Variants in COL26A1 observed in about 807,000 individuals in gnomAD.
COL26A1 encodes the protein collagen type XXVI alpha 1 chain, also known as collagen alpha-1(XXVI) chain.
COL26A1 carries 41 observed loss-of-function variants against 59.3 expected under a neutral mutation model. That is an observed-to-expected ratio of 0.69 (90% CI 0.54 to 0.90). The LOEUF is 0.90. Ranked by LOEUF, COL26A1 falls within the 40% of genes least tolerant of loss-of-function variation. COL26A1 has a pLI of 0.00. For missense variants in COL26A1, 612 were observed against 602.3 expected, an observed-to-expected ratio of 1.02 and a Z score of -0.17; for synonymous variants, 266 against 256.0, an observed-to-expected ratio of 1.04 and a Z score of -0.37.
chr7:101,436,926 C>G (rs1792929925), intron 2 of COL26A1, among the ~76,000 whole-genome samples: 4 of 152,126 alleles, frequency 2.6e-5, no homozygotes, highest in Admixed American at 2.0e-4. Flanking sequence ...GTTGGCCAGG[C>G]TGGTCTCGAA....
intron 3 of COL26A1, among the ~76,000 whole-genome samples, chr7:101,466,278 T>C (rs530930834): frequency 6.6e-6 from 1 of 152,258 alleles, no homozygotes; most frequent in South Asian, 2.1e-4. Flanking sequence ...ATTGTCAATA[T>C]ATTGTATATG....
intron 3 of COL26A1, among the ~76,000 whole-genome samples, chr7:101,468,750 G>T (rs1323621656): frequency 2.6e-5 from 4 of 152,196 alleles, no homozygotes; most frequent in Non-Finnish European, 2.9e-5. Flanking sequence ...GAGGGAGGGG[G>T]AGACGCATTC....
At chr7:101,474,187 T>C (rs565151141) in intron 3 of COL26A1, among the ~76,000 whole-genome samples, 1 of 152,212 alleles carries the variant, frequency 6.6e-6, no homozygotes, top group Non-Finnish European at 1.5e-5. Flanking sequence ...GGTGGTTAAG[T>C]GATTGGATGA....
intron 8 of COL26A1, among the ~76,000 whole-genome samples, chr7:101,547,833 A>ACTCG (rs1795773574): frequency 1.6e-5 from 1 of 61,842 alleles, no homozygotes; most frequent in Non-Finnish European, 3.7e-5. Flanking sequence ...TCATTCGTTT[A>ACTCG]TTCATTCATT....
intron 4 of COL26A1, among the ~76,000 whole-genome samples, chr7:101,539,294 A>ATGTGTGTGTGTGTGTGTGTGTGTG (rs769498284): frequency 1.5e-5 from 2 of 135,854 alleles, no homozygotes; most frequent in Non-Finnish European, 3.2e-5. Flanking sequence ...GTGTGTGTGT[A>ATGTGTGTGTGTGTGTGTGTGTGTG]TGTGTGTGTG....
chr7:101,481,305 G>A (rs907275986), intron 3 of COL26A1, among the ~76,000 whole-genome samples: 2 of 150,964 alleles, frequency 1.3e-5, no homozygotes, highest in Non-Finnish European at 3.0e-5. Flanking sequence ...GTCAGTTATA[G>A]CATCTTTATG....
At chr7:101,514,948 C>T (rs1053772126) in intron 3 of COL26A1, among the ~76,000 whole-genome samples, 25 of 152,246 alleles carry the variant, frequency 1.6e-4, no homozygotes, top group African/African-American at 5.8e-4. Context: ...GACACTGAGG[C>T]CAGCCTCTGG....
At chr7:101,398,016 C>T (rs2130180165) in intron 1 of COL26A1, among the ~76,000 whole-genome samples, 1 of 152,242 alleles carries the variant, frequency 6.6e-6, no homozygotes. Flanking sequence ...AATAGCTTTG[C>T]CTGTCCTTGA....
intron 3 of COL26A1, among the ~76,000 whole-genome samples, chr7:101,485,542 C>T (rs1298786013): frequency 6.6e-6 from 1 of 152,184 alleles, no homozygotes; most frequent in Non-Finnish European, 1.5e-5. Flanking sequence ...TTCTCTGTGC[C>T]CCCAGTAGCT....
intron 3 of COL26A1, among the ~76,000 whole-genome samples, chr7:101,484,572 T>A (rs902130587): frequency 6.6e-6 from 1 of 151,890 alleles, no homozygotes; most frequent in Non-Finnish European, 1.5e-5. Flanking sequence ...GGTTTCACCA[T>A]GTTGGTCAGG....
intron 2 of COL26A1, among the ~76,000 whole-genome samples, chr7:101,443,916 A>G (rs1279430962): frequency 7.2e-6 from 1 of 139,538 alleles, no homozygotes; most frequent in Non-Finnish European, 1.5e-5. Context: ...TCTGTTGCCC[A>G]GGCTAAGTGC....
intron 3 of COL26A1, among the ~76,000 whole-genome samples, chr7:101,457,913 TTGA>T (rs745357232): frequency 5.9e-5 from 3 of 50,760 alleles, no homozygotes; most frequent in African/African-American, 2.6e-4. Context: ...TTTTTTTTTT[TTGA>T]AATGGAGTCT....
chr7:101,479,254 A>AT (rs59588489), intron 3 of COL26A1, among the ~76,000 whole-genome samples: 11,371 of 152,276 alleles, frequency 0.075, 746 homozygotes, highest in African/African-American at 0.18. Flanking sequence ...GAATTATTAC[A>AT]TTTTGGACAC....
At chr7:101,478,797 A>G (rs577588733) in intron 3 of COL26A1, among the ~76,000 whole-genome samples, 5 of 152,286 alleles carry the variant, frequency 3.3e-5, no homozygotes, top group African/African-American at 1.2e-4. Flanking sequence ...TACTTTTACT[A>G]CATATATATT....
chr7:101,507,555 G>A (rs10224860), intron 3 of COL26A1, among the ~76,000 whole-genome samples: 24,832 of 151,840 alleles, frequency 0.16, 5,165 homozygotes, highest in African/African-American at 0.49. Context: ...CTGAGTAGCT[G>A]GGACCACAGG....
At chr7:101,390,591 A>C (rs1245024193) in intron 1 of COL26A1, among the ~76,000 whole-genome samples, 2 of 151,922 alleles carry the variant, frequency 1.3e-5, no homozygotes, top group Non-Finnish European at 1.5e-5. Flanking sequence ...ATGCCTGGCT[A>C]CTTTTTAAAT....
chr7:101,540,372 T>C (rs948398836), intron 5 of COL26A1, among the ~76,000 whole-genome samples: 1 of 148,944 alleles, frequency 6.7e-6, no homozygotes, highest in Non-Finnish European at 1.5e-5. Flanking sequence ...ACCCTGTCTC[T>C]ACTAAAAATA....
intron 3 of COL26A1, among the ~76,000 whole-genome samples, chr7:101,472,058 G>A (rs1255730968): frequency 6.6e-6 from 1 of 152,108 alleles, no homozygotes; most frequent in East Asian, 1.9e-4. Flanking sequence ...AGGCTGGAGT[G>A]CAGTGGTATA....
At chr7:101,429,031 C>G (rs1792714005) in intron 2 of COL26A1, among the ~76,000 whole-genome samples, 1 of 150,556 alleles carries the variant, frequency 6.6e-6, no homozygotes, top group Admixed American at 6.7e-5. Context: ...TCAAGCAGTT[C>G]TACTGCCTCA....
Sources: allele counts gnomAD v4.1 joint callset (sites outside exome capture counted in the v4.1 genomes callset), GRCh38; gene constraint gnomAD v4.1.1; transcripts MANE v1.5; gene names NCBI Gene and HGNC (gene_info 2026-07-23, HGNC 2026-07-21).